BMPR1B: variants seen among roughly 807,000 people sequenced by gnomAD.
BMPR1B encodes bone morphogenetic protein receptor type-1B.
A neutral mutation model predicts 59.1 loss-of-function variants in BMPR1B; 12 were observed. The ratio of observed to expected loss-of-function variants is 0.20; its 90% CI spans 0.13 to 0.33. The LOEUF (loss-of-function observed/expected upper bound fraction) is 0.33, where lower values mean the gene tolerates loss of function less well. BMPR1B is among the 10% of genes least tolerant of loss of function. BMPR1B has a pLI of 1.00. For synonymous variants in BMPR1B, 237 were observed against 207.3 expected (o/e 1.14, Z -1.23); for missense variants, 550 against 610.9 (o/e 0.90, Z 1.05).
At chr4:94,889,613 T>G (rs980329700) in intron 2 of BMPR1B, among the ~76,000 whole-genome samples, 4 of 152,080 alleles carry the variant, frequency 2.6e-5, no homozygotes, top group African/African-American at 9.7e-5. Context: ...CTTTTTTCAT[T>G]GCTCCTGCTG....
At chr4:94,973,702 G>A (rs995410559) in intron 2 of BMPR1B, among the ~76,000 whole-genome samples, 1 of 152,170 alleles carries the variant, frequency 6.6e-6, no homozygotes, top group Admixed American at 6.5e-5. Context: ...GTGACTGAGG[G>A]TGGGGTTTCG....
intron 1 of BMPR1B, among the ~76,000 whole-genome samples, chr4:94,818,578 T>A (rs1156349845): frequency 6.6e-6 from 1 of 152,214 alleles, no homozygotes; most frequent in African/African-American, 2.4e-5. Flanking sequence ...CCAGAAATCC[T>A]CCTCTTGTGG....
chr4:95,071,652 GTATATA>G lies in BMPR1B; in HGVS notation c.-17-32732_-17-32727del, dbSNP rs58148216. ...TGTGTTTGTGTGTGTGTGTGTGTGT[GTATATA>G]TATATATATATATATATATATATGA... On this transcript the variant is annotated intron_variant, in intron 3 of 12. Coordinates refer to ENST00000515059, the MANE Select transcript of BMPR1B (RefSeq NM_001203.3). 7.7e-3 allele frequency among the ~76,000 whole-genome samples: 646 copies of G among 84,338 alleles called. 14 individuals carry two copies. Among genetic ancestry groups the G allele is most frequent in the African/African-American group, 0.025 (605 of 24,024 alleles). 55.3% of individuals were successfully genotyped at this position (84,338 alleles called of 152,430 possible).
At chr4:94,962,062 CTTTCT>C (rs1207625273) in intron 2 of BMPR1B, among the ~76,000 whole-genome samples, 1 of 139,120 alleles carries the variant, frequency 7.2e-6, no homozygotes, top group Non-Finnish European at 1.5e-5. Flanking sequence ...TCTTTCTTTT[CTTTCT>C]TTTCTTTCCT....
At chr4:95,054,212 A>G (rs1485526754) in intron 3 of BMPR1B, among the ~76,000 whole-genome samples, 3 of 152,194 alleles carry the variant, frequency 2.0e-5, no homozygotes, top group Non-Finnish European at 4.4e-5. Context: ...TTGCACTTCC[A>G]CCTCAAGTGG....
At chr4:94,989,482 G>A (rs1351834238) in intron 2 of BMPR1B, among the ~76,000 whole-genome samples, 1 of 151,556 alleles carries the variant, frequency 6.6e-6, no homozygotes, top group Non-Finnish European at 1.5e-5. Context: ...AAGCATTAAT[G>A]TAACAGGATT....
chr4:94,864,197 CG>C (rs1726112130), intron 1 of BMPR1B, among the ~76,000 whole-genome samples: 1 of 152,150 alleles, frequency 6.6e-6, no homozygotes, highest in South Asian at 2.1e-4. Context: ...GCTTGAGCTT[CG>C]ACCAGTATAA....
chr4:95,087,403 CA>C (rs1349162335), intron 3 of BMPR1B, among the ~76,000 whole-genome samples: 1 of 152,004 alleles, frequency 6.6e-6, no homozygotes, highest in African/African-American at 2.4e-5. Flanking sequence ...TGTAAAATAG[CA>C]CTCGTGTTTT....
At chr4:94,978,501 A>T (rs1470064258) in intron 2 of BMPR1B, among the ~76,000 whole-genome samples, 3 of 152,224 alleles carry the variant, frequency 2.0e-5, no homozygotes, top group African/African-American at 7.2e-5. Flanking sequence ...GGATAAGCAG[A>T]CTGCTAAAGT....
At chr4:95,078,354 T>G (rs1234107913) in intron 3 of BMPR1B, among the ~76,000 whole-genome samples, 1 of 152,318 alleles carries the variant, frequency 6.6e-6, no homozygotes, top group South Asian at 2.1e-4. Flanking sequence ...GCAGTGAAAC[T>G]TACTTTCTTT....
At chr4:95,128,849 G>A (rs552681808) in intron 8 of BMPR1B, among the ~76,000 whole-genome samples, 509 of 152,196 alleles carry the variant, frequency 3.3e-3, no homozygotes, top group Admixed American at 5.8e-3. Context: ...AATCTGAAGA[G>A]GTTAAATCTA....
intron 3 of BMPR1B, among the ~76,000 whole-genome samples, chr4:95,045,784 T>G (rs1726010001): frequency 6.6e-6 from 1 of 152,226 alleles, no homozygotes; most frequent in African/African-American, 2.4e-5. Context: ...GGATAAGCTT[T>G]GTCCTGAAGG....
At chr4:95,016,156 C>G (rs1371194342) in intron 3 of BMPR1B, among the ~76,000 whole-genome samples, 1 of 152,194 alleles carries the variant, frequency 6.6e-6, no homozygotes, top group African/African-American at 2.4e-5. Flanking sequence ...CAAGTAAAAA[C>G]TGCAATTTTG....
intron 1 of BMPR1B, among the ~76,000 whole-genome samples, chr4:94,794,270 T>C (rs2110608577): frequency 2.7e-5 from 4 of 149,266 alleles, no homozygotes; most frequent in African/African-American, 1.0e-4. Flanking sequence ...ATTTATTAAA[T>C]AGGGAATCCT....
At chr4:94,840,893 T>A (rs1196471279) in intron 1 of BMPR1B, among the ~76,000 whole-genome samples, 1 of 147,462 alleles carries the variant, frequency 6.8e-6, no homozygotes, top group South Asian at 2.2e-4. Context: ...TCTTTGTGGT[T>A]TTATCTCCTT....
rs560512749 is a variant in BMPR1B at position 94,845,371 on chromosome 4, C to T, written c.-182-30460C>T. Among the ~76,000 whole-genome samples the T allele has an allele frequency of 1.7e-4, 25 of 149,608 alleles. No individual in the cohort carries two copies. The South Asian group carries it at 5.1e-3, about 30-fold the overall frequency. ...TTTTTTTTTTTTTTTAAGATGGAGT[C>T]TCACTCTGTCGCCCAGGCTGGAGTG... On this transcript the variant is annotated intron_variant, in intron 1 of 12. Coordinates refer to ENST00000515059, the MANE Select transcript of BMPR1B (RefSeq NM_001203.3).
At chr4:94,810,645 G>T (rs1396627881) in intron 1 of BMPR1B, among the ~76,000 whole-genome samples, 1 of 152,098 alleles carries the variant, frequency 6.6e-6, no homozygotes, top group African/African-American at 2.4e-5. Context: ...AAAAAGTATG[G>T]TCTCAAAACA....
At chr4:94,902,088 G>GT (rs201783533) in intron 2 of BMPR1B, among the ~76,000 whole-genome samples, 6,056 of 119,680 alleles carry the variant, frequency 0.051, 178 homozygotes, top group Non-Finnish European at 0.061. Flanking sequence ...TGTGTGTGTG[G>GT]GGTGTATTTA....
chr4:94,849,374 G>A (rs771605055), intron 1 of BMPR1B, among the ~76,000 whole-genome samples: 3 of 152,246 alleles, frequency 2.0e-5, no homozygotes, highest in South Asian at 2.1e-4. Context: ...GTTGAGGGAC[G>A]CCTGATTGGG....
Sources: allele counts gnomAD v4.1 joint callset (sites outside exome capture counted in the v4.1 genomes callset), GRCh38; gene constraint gnomAD v4.1.1; transcripts MANE v1.5; gene names NCBI Gene and HGNC (gene_info 2026-07-23, HGNC 2026-07-21).